The following ADARB2 variants were observed in gnomAD, a reference collection of about 807,000 sequenced individuals.
ADARB2 encodes inactive double-stranded RNA-specific editase B2.
ADARB2 carries 25 observed loss-of-function variants against 62.2 expected under a neutral mutation model. That is an observed-to-expected ratio of 0.40 (90% CI 0.29 to 0.56). The LOEUF (loss-of-function observed/expected upper bound fraction) is 0.56. ADARB2 is among the 20% of genes least tolerant of loss of function. ADARB2 has a pLI of 0.43. For missense variants in ADARB2, 1,071 were observed against 1,077.4 expected (o/e 0.99, Z 0.08); for synonymous variants, 572 against 500.8 (o/e 1.14, Z -1.90).
chr10:1,462,249 G>A (rs1305515813), intron 1 of ADARB2, among the ~76,000 whole-genome samples: 1 of 151,532 alleles, frequency 6.6e-6, no homozygotes, highest in Non-Finnish European at 1.5e-5. Flanking sequence ...CTCCACTGTT[G>A]AAGCCCTTAT....
intron 1 of ADARB2, among the ~76,000 whole-genome samples, chr10:1,493,640 C>T (rs1487412923): frequency 1.4e-5 from 2 of 144,328 alleles, no homozygotes; most frequent in Non-Finnish European, 3.0e-5. Flanking sequence ...GAGGACCATA[C>T]TATAAGACTG....
intron 1 of ADARB2, among the ~76,000 whole-genome samples, chr10:1,417,790 T>C (rs1480210377): frequency 6.6e-6 from 1 of 152,214 alleles, no homozygotes; most frequent in Non-Finnish European, 1.5e-5. Context: ...GGGTGTGCCA[T>C]GGCTGCCCCT....
chr10:1,630,111 C>A lies in ADARB2; in HGVS notation c.100+106940G>T, dbSNP rs78753768. Among the ~76,000 whole-genome samples, 942 of 152,248 alleles carry A rather than the reference C, an allele frequency of 6.2e-3. 8 individuals carry two copies. The highest frequency in any genetic ancestry group is 0.041 in the East Asian group (213 of 5,172). On this transcript the variant is annotated intron_variant, in intron 1 of 9. Transcript: ENST00000381312. ...TTTATGAGATAACCCAGCAATGGCA[C>A]CAGGTCCTTTGGCTTTGAGTGTTTC...
intron 1 of ADARB2, among the ~76,000 whole-genome samples, chr10:1,468,553 T>C (rs1000865849): frequency 6.6e-6 from 1 of 152,180 alleles, no homozygotes; most frequent in Non-Finnish European, 1.5e-5. Flanking sequence ...CCAGCGCTGC[T>C]ATCCAAATTC....
chr10:1,584,914 A>G (rs1833154189), intron 1 of ADARB2, among the ~76,000 whole-genome samples: 1 of 152,210 alleles, frequency 6.6e-6, no homozygotes, highest in African/African-American at 2.4e-5. Context: ...AAATTTGCAG[A>G]CAATGAAAAG....
At chr10:1,307,489 A>C (rs559410464) in intron 3 of ADARB2, among the ~76,000 whole-genome samples, 55 of 137,816 alleles carry the variant, frequency 4.0e-4, no homozygotes, top group East Asian at 2.4e-3. Flanking sequence ...GTGGGACTGT[A>C]AACTAGTTCA....
chr10:1,481,721 G>A (rs1467455880), intron 1 of ADARB2, among the ~76,000 whole-genome samples: 2 of 152,026 alleles, frequency 1.3e-5, no homozygotes, highest in Non-Finnish European at 2.9e-5. Flanking sequence ...GCTGGGTATG[G>A]GGGCGGGTGC....
intron 7 of ADARB2, 136 bp from the exon 8 acceptor site, chr10:1,200,283 T>C: frequency 8.5e-7 from 1 of 1,181,640 alleles, no homozygotes; most frequent in South Asian, 1.3e-5. Flanking sequence ...TCCCTGGGAG[T>C]GCCCCAGACC....
At chr10:1,318,332 A>G (rs985187956) in intron 3 of ADARB2, among the ~76,000 whole-genome samples, 1 of 152,206 alleles carries the variant, frequency 6.6e-6, no homozygotes, top group African/African-American at 2.4e-5. Context: ...CCCATAAGAT[A>G]CTAGAAGCTC....
chr10:1,440,837 C>T (rs1332079011), intron 1 of ADARB2, among the ~76,000 whole-genome samples: 4 of 152,232 alleles, frequency 2.6e-5, no homozygotes. Context: ...AACATGAGCA[C>T]AGACTTCAGG....
intron 1 of ADARB2, chr10:1,678,144 G>A (rs1834489879): frequency 4.1e-6 from 4 of 985,308 alleles, no homozygotes; most frequent in Non-Finnish European, 4.8e-6. Flanking sequence ...AGATGGCAGG[G>A]GCTTGGCTGA....
chr10:1,445,398 T>A (rs1037272261), intron 1 of ADARB2, among the ~76,000 whole-genome samples: 2 of 149,866 alleles, frequency 1.3e-5, no homozygotes, highest in Admixed American at 6.6e-5. Flanking sequence ...CCATTCATCA[T>A]CCATCTACAT....
intron 3 of ADARB2, among the ~76,000 whole-genome samples, chr10:1,271,622 GCACACACATGCACACACACAGA>G (rs1329140623): frequency 7.6e-5 from 11 of 144,410 alleles, no homozygotes; most frequent in Non-Finnish European, 1.4e-4. Context: ...ACACGAATAT[GCACACACATGCACACACACAGA>G]CACACACATA....
intron 4 of ADARB2, among the ~76,000 whole-genome samples, chr10:1,251,001 A>C (rs1265960732): frequency 2.0e-5 from 3 of 152,248 alleles, no homozygotes; most frequent in African/African-American, 7.2e-5. Flanking sequence ...AAGAGAGACT[A>C]TCCAATTAAT....
At chr10:1,731,302 T>TAA (rs2119047756) in intron 1 of ADARB2, among the ~76,000 whole-genome samples, 1 of 152,328 alleles carries the variant, frequency 6.6e-6, no homozygotes, top group African/African-American at 2.4e-5. Flanking sequence ...AGCCCCGTCC[T>TAA]CCATTCCTTT....
Position 1,222,760 on chromosome 10 carries a change from G to C in ADARB2, c.1514-5641C>G, listed in dbSNP as rs528265581. On this transcript the variant is annotated intron_variant, in intron 6 of 9. Coordinates refer to ENST00000381312, the MANE Select transcript of ADARB2 (RefSeq NM_018702.4). ...GCATTATTTCTGAGGGCTCTGTTCT[G>C]TTCCATTGGTCTATATCTCTGTTTT... is the stretch of plus-strand genomic sequence containing the variant. Among the ~76,000 whole-genome samples the C allele has an allele frequency of 1.0e-3, 154 of 149,382 alleles. 2 individuals carry two copies. The highest frequency in any genetic ancestry group is 0.01 in the Admixed American group (153 of 15,182).
intron 6 of ADARB2, among the ~76,000 whole-genome samples, chr10:1,227,667 C>A (rs1830760286): frequency 6.6e-6 from 1 of 152,072 alleles, no homozygotes; most frequent in Non-Finnish European, 1.5e-5. Context: ...GGTTTGTCCC[C>A]TGGGGAGCTA....
chr10:1,420,845 T>C (rs1293274676), intron 1 of ADARB2, among the ~76,000 whole-genome samples: 1 of 152,154 alleles, frequency 6.6e-6, no homozygotes, highest in Non-Finnish European at 1.5e-5. Context: ...GTGCTATGTC[T>C]TGTAAGGCAT....
intron 4 of ADARB2, among the ~76,000 whole-genome samples, chr10:1,262,035 C>T (rs1159038140): frequency 2.7e-5 from 4 of 146,752 alleles, no homozygotes; most frequent in South Asian, 2.1e-4. Context: ...AGTAAACTAT[C>T]GCAAGAACAA....
Sources: allele counts gnomAD v4.1 joint callset (sites outside exome capture counted in the v4.1 genomes callset), GRCh38; gene constraint gnomAD v4.1.1; transcripts MANE v1.5; gene names NCBI Gene and HGNC (gene_info 2026-07-23, HGNC 2026-07-21).